TTC39C: variants seen among roughly 807,000 people sequenced by gnomAD.
The protein encoded by TTC39C is tetratricopeptide repeat protein 39C.
A neutral mutation model predicts 76.3 loss-of-function variants in TTC39C; 33 were observed. The ratio of observed to expected loss-of-function variants is 0.43; its 90% CI spans 0.33 to 0.58. The LOEUF (loss-of-function observed/expected upper bound fraction) is 0.58. TTC39C is among the 20% of genes least tolerant of loss of function. The pLI is 0.04. For synonymous variants in TTC39C, 254 were observed against 260.6 expected, an observed-to-expected ratio of 0.97 and a Z score of 0.24; for missense variants, 595 against 701.4, an observed-to-expected ratio of 0.85 and a Z score of 1.71.
At chr18:24,011,693 A>G (rs2083394352), upstream of TTC39C, among the ~76,000 whole-genome samples, 1 of 152,194 alleles carries the variant, frequency 6.6e-6, no homozygotes, top group Admixed American at 6.5e-5. Flanking sequence ...TTAAAGTTTC[A>G]TTTTCACAGT....
intron 1 of TTC39C, among the ~76,000 whole-genome samples, chr18:24,033,237 T>C (rs1024003443): frequency 6.6e-6 from 1 of 152,178 alleles, no homozygotes. Context: ...TGGGCAACAG[T>C]GTGAGACTCT....
intron 6 of TTC39C, among the ~76,000 whole-genome samples, chr18:24,112,901 T>A (rs2084833840): frequency 6.6e-6 from 1 of 152,130 alleles, no homozygotes; most frequent in African/African-American, 2.4e-5. Context: ...GGGTGTGACG[T>A]GTCTAGATAC....
At chr18:24,082,848 T>C in intron 5 of TTC39C, 65 bp from the exon 6 acceptor site, 1 of 1,497,216 alleles carries the variant, frequency 6.7e-7, no homozygotes, top group South Asian at 1.4e-5. Context: ...ATACTGGAGT[T>C]TTGAAAAATG....
intron 3 of TTC39C, among the ~76,000 whole-genome samples, chr18:24,066,358 A>G (rs1045424720): frequency 4.6e-5 from 7 of 152,116 alleles, no homozygotes; most frequent in African/African-American, 1.7e-4. Context: ...TGTCCTTTTG[A>G]TATCTTAGAA....
intron 4 of TTC39C, among the ~76,000 whole-genome samples, chr18:24,074,801 G>T (rs183942771): frequency 1.3e-5 from 2 of 152,138 alleles, no homozygotes; most frequent in African/African-American, 2.4e-5. Flanking sequence ...TCATTACTGG[G>T]TATATACCCA....
chr18:24,023,973 TATATATACATATATATATATATATA>T (rs1568408916), intron 1 of TTC39C, among the ~76,000 whole-genome samples: 13 of 17,150 alleles, frequency 7.6e-4, no homozygotes, highest in African/African-American at 2.0e-3. Flanking sequence ...TATATATATA[TATATATACATATATATATATATATA>T]TATATATATA....
chr18:24,094,625 C>A (rs375172755), intron 6 of TTC39C, among the ~76,000 whole-genome samples: 1 of 152,236 alleles, frequency 6.6e-6, no homozygotes, highest in East Asian at 1.9e-4. Flanking sequence ...AACATTATAT[C>A]TCATTGTACA....
chr18:24,102,575 G>A (rs910885303), intron 6 of TTC39C, among the ~76,000 whole-genome samples: 1 of 152,200 alleles, frequency 6.6e-6, no homozygotes, highest in East Asian at 1.9e-4. Context: ...TTTAGGATGA[G>A]GAGGCTGTGG....
intron 1 of TTC39C, among the ~76,000 whole-genome samples, chr18:24,045,909 A>T (rs370418955): frequency 2.6e-5 from 1 of 38,116 alleles, no homozygotes; most frequent in East Asian, 8.4e-4. Context: ...ATATATATAT[A>T]TATATATATA....
At chr18:24,098,375 C>T (rs1218482089) in intron 6 of TTC39C, among the ~76,000 whole-genome samples, 2 of 149,556 alleles carry the variant, frequency 1.3e-5, no homozygotes, top group Non-Finnish European at 3.0e-5. Flanking sequence ...TCTTTCCTTT[C>T]TTTTCCTTCC....
chr18:24,075,697 A>C lies in TTC39C; in HGVS notation c.461-4888A>C, dbSNP rs538495008. The stretch of plus-strand genomic sequence containing the variant: ...GAGACCTTGTCTCAAAAAAAAAAAA[A>C]AAAAAACAAAAAAAAAACCTCTATT... On this transcript the variant is annotated intron_variant, in intron 4 of 13. Transcript: ENST00000317571. Among the ~76,000 whole-genome samples, 359 of 151,160 alleles carry C rather than the reference A, an allele frequency of 2.4e-3. 4 individuals are homozygous for C. Among genetic ancestry groups the C allele is most frequent in the Non-Finnish European group, 3.1e-3 (210 of 67,752 alleles).
At chr18:24,055,740 T>C (rs1354367260) in intron 1 of TTC39C, among the ~76,000 whole-genome samples, 4 of 152,176 alleles carry the variant, frequency 2.6e-5, no homozygotes, top group Admixed American at 2.6e-4. Context: ...GTTTTAAATT[T>C]TGATGTAGTT....
At chr18:24,013,255 T>C (rs2083407778), upstream of TTC39C, among the ~76,000 whole-genome samples, 1 of 152,214 alleles carries the variant, frequency 6.6e-6, no homozygotes, top group Non-Finnish European at 1.5e-5. Context: ...CTTGCTTCTG[T>C]CAGTGTTCCA....
intron 6 of TTC39C, among the ~76,000 whole-genome samples, chr18:24,098,395 T>A (rs1253049428): frequency 1.7e-5 from 1 of 57,914 alleles, no homozygotes; most frequent in South Asian, 7.2e-4. Flanking sequence ...CCTCCCTCCC[T>A]CCCTCCCTCC....
At chr18:24,084,887 AC>A (rs1214535720) in intron 6 of TTC39C, among the ~76,000 whole-genome samples, 4 of 151,500 alleles carry the variant, frequency 2.6e-5, no homozygotes, top group Non-Finnish European at 4.4e-5. Context: ...CTGGTCTCAA[AC>A]TCCTGGGCTC....
At chr18:24,041,444 G>T (rs138070315) in intron 1 of TTC39C, among the ~76,000 whole-genome samples, 1 of 152,314 alleles carries the variant, frequency 6.6e-6, no homozygotes, top group Non-Finnish European at 1.5e-5. Flanking sequence ...TAGTCCAGCA[G>T]CGTGTTAACC....
chr18:24,042,736 T>C (rs2083812104), intron 1 of TTC39C, among the ~76,000 whole-genome samples: 1 of 152,230 alleles, frequency 6.6e-6, no homozygotes. Flanking sequence ...TTTTCTGTCC[T>C]GTGTATGATA....
chr18:24,085,772 G>A (rs149448250), intron 6 of TTC39C, among the ~76,000 whole-genome samples: 2 of 152,334 alleles, frequency 1.3e-5, no homozygotes, highest in Non-Finnish European at 2.9e-5. Context: ...CACAAGATCT[G>A]TGACTACGGT....
At chr18:24,130,806 T>C (rs1321759807) in intron 12 of TTC39C, among the ~76,000 whole-genome samples, 1 of 152,024 alleles carries the variant, frequency 6.6e-6, no homozygotes. Context: ...GTTACTGTAT[T>C]GAATACTGTA....
Sources: allele counts gnomAD v4.1 joint callset (sites outside exome capture counted in the v4.1 genomes callset), GRCh38; gene constraint gnomAD v4.1.1; transcripts MANE v1.5; gene names NCBI Gene and HGNC (gene_info 2026-07-23, HGNC 2026-07-21).